OPCML: variants seen among roughly 807,000 people sequenced by gnomAD.
The protein encoded by OPCML is opioid-binding protein/cell adhesion molecule.
A neutral mutation model predicts 37.8 loss-of-function variants in OPCML; 13 were observed. The observed-to-expected ratio is 0.34, with a 90% CI of 0.22 to 0.55. The LOEUF (loss-of-function observed/expected upper bound fraction) is 0.55. OPCML is among the 20% of genes least tolerant of loss of function. The pLI, the probability that OPCML is intolerant of heterozygous loss-of-function variation, is 0.91. For missense variants in OPCML, 341 were observed against 435.6 expected (o/e 0.78, Z 1.93); for synonymous variants, 176 against 168.8 (o/e 1.04, Z -0.33).
intron 3 of OPCML, among the ~76,000 whole-genome samples, chr11:132,532,813 C>T (rs1020981955): frequency 1.8e-4 from 27 of 152,232 alleles, no homozygotes; most frequent in Admixed American, 4.6e-4. Flanking sequence ...TTCCCCAGGG[C>T]CATGCATGCT....
rs1052939983 is a variant in OPCML, at chr11:133,055,801, T to C, written c.62-112791A>G. Among the ~76,000 whole-genome samples the C allele has an allele frequency of 2.6e-5, 4 of 151,164 alleles. No homozygotes were observed. In the South Asian group the frequency reaches 8.4e-4, roughly 32 times the overall value. On this transcript the variant is annotated intron_variant, in intron 1 of 7. Transcript: ENST00000524381. ...GCCACCTCTACTGTACAATGCTGCC[T>C]CCATGATACTTCCAAGTGGTGAGAC...
chr11:133,455,978 CA>C (rs1946664750), intron 1 of OPCML, among the ~76,000 whole-genome samples: 1 of 152,168 alleles, frequency 6.6e-6, no homozygotes. Flanking sequence ...AACATACTCG[CA>C]ATGTTCTAAC....
intron 3 of OPCML, among the ~76,000 whole-genome samples, chr11:132,575,073 C>T (rs1478019692): frequency 1.3e-5 from 2 of 151,914 alleles, no homozygotes; most frequent in Non-Finnish European, 1.5e-5. Flanking sequence ...TATAACCACT[C>T]CTGCTTTCTT....
chr11:133,198,590 A>G (rs505690), intron 1 of OPCML, among the ~76,000 whole-genome samples: 107,493 of 152,200 alleles, frequency 0.71, 40,052 homozygotes, highest in African/African-American at 0.92. Context: ...AGAGGGCAGC[A>G]TGGGAACACG....
chr11:133,456,307 A>T (rs868039059), intron 1 of OPCML, among the ~76,000 whole-genome samples: 1 of 152,164 alleles, frequency 6.6e-6, no homozygotes, highest in African/African-American at 2.4e-5. Flanking sequence ...CACAGGTCCA[A>T]CCACGAAATA....
intron 3 of OPCML, among the ~76,000 whole-genome samples, chr11:132,580,022 A>C (rs750858482): frequency 6.6e-6 from 1 of 152,142 alleles, no homozygotes; most frequent in Non-Finnish European, 1.5e-5. Context: ...CACACACCCC[A>C]TAACATCCAC....
In OPCML at chr11:133,532,444, G is replaced by C; in HGVS notation, c.-120C>G. ...TAAATCCAATGTTTGCAAAGGGAGG[G>C]AGAGAGCAGAAGAGAGAGAGAGCGC... On this transcript the variant is annotated 5_prime_UTR_variant, in exon 1 of 8. Coordinates refer to ENST00000524381, the MANE Select transcript of OPCML (RefSeq NM_001012393.5). The C allele has an allele frequency of 1.6e-6, 2 of 1,258,540 alleles. No individual in the cohort carries two copies. Among genetic ancestry groups the C allele is most frequent in the South Asian group, 2.6e-5 (2 of 77,794 alleles). 78.0% of individuals were successfully genotyped at this position (1,258,540 alleles called of 1,614,324 possible).
At chr11:132,733,648 T>C (rs966400699) in intron 2 of OPCML, among the ~76,000 whole-genome samples, 1 of 152,226 alleles carries the variant, frequency 6.6e-6, no homozygotes, top group Non-Finnish European at 1.5e-5. Context: ...GTGTGACATT[T>C]TCTTCACCTG....
chr11:133,092,161 C>G (rs1032056101), intron 1 of OPCML, among the ~76,000 whole-genome samples: 1 of 152,088 alleles, frequency 6.6e-6, no homozygotes, highest in Non-Finnish European at 1.5e-5. Context: ...GAGGAGGCAA[C>G]GGGGCACTAC....
intron 1 of OPCML, among the ~76,000 whole-genome samples, chr11:133,028,362 G>T (rs1338588093): frequency 6.6e-6 from 1 of 152,116 alleles, no homozygotes; most frequent in Non-Finnish European, 1.5e-5. Context: ...GAAGGTAGTT[G>T]TCAGGAGCTT....
chr11:133,114,574 C>T (rs2137100820), intron 1 of OPCML, among the ~76,000 whole-genome samples: 1 of 152,300 alleles, frequency 6.6e-6, no homozygotes, highest in African/African-American at 2.4e-5. Flanking sequence ...ACCTTCAAAA[C>T]TTGCAATGGT....
intron 2 of OPCML, among the ~76,000 whole-genome samples, chr11:132,673,653 T>A (rs933063064): frequency 1.3e-5 from 2 of 152,162 alleles, no homozygotes; most frequent in African/African-American, 4.8e-5. Context: ...AAGCACTTTC[T>A]GTTTTGGTCA....
intron 1 of OPCML, among the ~76,000 whole-genome samples, chr11:133,390,324 G>A (rs935166415): frequency 1.3e-5 from 2 of 152,024 alleles, no homozygotes; most frequent in African/African-American, 2.4e-5. Context: ...TTAGCCGGGT[G>A]TGGTGGCGGG....
intron 1 of OPCML, among the ~76,000 whole-genome samples, chr11:133,261,809 C>T (rs531624469): frequency 3.3e-5 from 5 of 152,312 alleles, no homozygotes; most frequent in African/African-American, 1.2e-4. Context: ...TGAGCGGCAC[C>T]CTCAGAGTGT....
At chr11:132,849,319 C>T (rs150110833) in intron 2 of OPCML, among the ~76,000 whole-genome samples, 72 of 152,232 alleles carry the variant, frequency 4.7e-4, no homozygotes, top group African/African-American at 1.5e-3. Flanking sequence ...ATAAAGACAC[C>T]AATTGCCTAT....
intron 7 of OPCML, among the ~76,000 whole-genome samples, chr11:132,427,750 C>T (rs536940895): frequency 3.3e-5 from 5 of 152,316 alleles, no homozygotes; most frequent in South Asian, 2.1e-4. Context: ...ACACCCTGAA[C>T]GCTCAATGTT....
intron 4 of OPCML, among the ~76,000 whole-genome samples, chr11:132,446,401 A>G (rs2096055316): frequency 6.6e-6 from 1 of 152,086 alleles, no homozygotes; most frequent in Non-Finnish European, 1.5e-5. Flanking sequence ...CCATACAGGC[A>G]GACAAATGAC....
chr11:132,673,290 CATGATG>C (rs959478534), intron 2 of OPCML, among the ~76,000 whole-genome samples: 5 of 151,900 alleles, frequency 3.3e-5, no homozygotes, highest in Non-Finnish European at 7.4e-5. Flanking sequence ...ACATAAAATG[CATGATG>C]ATGATGATGA....
intron 3 of OPCML, among the ~76,000 whole-genome samples, chr11:132,626,816 CTCTCTCTCT>C (rs1939772733): frequency 5.5e-5 from 1 of 18,198 alleles, no homozygotes; most frequent in African/African-American, 1.7e-4. Context: ...GGAAGTTTCT[CTCTCTCTCT>C]CTCTCTCTCT....
Sources: allele counts gnomAD v4.1 joint callset (sites outside exome capture counted in the v4.1 genomes callset), GRCh38; gene constraint gnomAD v4.1.1; transcripts MANE v1.5; gene names NCBI Gene and HGNC (gene_info 2026-07-23, HGNC 2026-07-21).